ERMP1: variants seen among roughly 807,000 people sequenced by gnomAD.
ERMP1 encodes the protein Felix-ina.
Under a neutral mutation model 92.0 loss-of-function variants are expected in ERMP1, and 86 were observed. The observed-to-expected ratio is 0.93, with a 90% confidence interval of 0.79 to 1.12. ERMP1 has a LOEUF of 1.12. Ranked by LOEUF, ERMP1 falls within the 50% of genes most tolerant of loss-of-function variation. The pLI is 0.00. For missense variants in ERMP1, 1,342 were observed against 1,116.3 expected, an observed-to-expected ratio of 1.20 and a Z score of -2.88; for synonymous variants, 530 against 412.8, an observed-to-expected ratio of 1.28 and a Z score of -3.44.
intron 13 of ERMP1, among the ~76,000 whole-genome samples, chr9:5,793,465 G>T (rs1365639523): frequency 6.6e-6 from 1 of 152,114 alleles, no homozygotes; most frequent in Non-Finnish European, 1.5e-5. Context: ...TAATCACTTT[G>T]AATGTCAATG....
Position 5,787,130 on chromosome 9 carries a change from G to C in ERMP1, c.*14C>G. 1.2e-6 allele frequency: 2 copies of C among 1,608,794 alleles called. No homozygotes were observed. The highest frequency in any genetic ancestry group is 1.7e-6 in the Non-Finnish European group (2 of 1,177,206). ...AGTATCCACTGGGCATGTACTTAGAGCTCATCCACAAGATTAAAATACAAA... is the reference window on the plus strand; with the variant it reads ...AGTATCCACTGGGCATGTACTTAGACCTCATCCACAAGATTAAAATACAAA... On this transcript the variant is annotated 3_prime_UTR_variant, in exon 15 of 15. Transcript: ENST00000339450.
At chr9:5,828,829 T>C (rs1737416811) in intron 2 of ERMP1, among the ~76,000 whole-genome samples, 1 of 152,208 alleles carries the variant, frequency 6.6e-6, no homozygotes, top group Admixed American at 6.5e-5. Context: ...TTCTTGTATA[T>C]ACAGCCTTCT....
chr9:5,838,415 C>T (rs1218873312), intron 6 of ERMP1, among the ~76,000 whole-genome samples: 1 of 151,886 alleles, frequency 6.6e-6, no homozygotes, highest in African/African-American at 2.4e-5. Context: ...TGTGGTGGTG[C>T]ATGTCTATAC....
chr9:5,804,835 G>A (rs1034311757), intron 10 of ERMP1, among the ~76,000 whole-genome samples, 192 bp downstream of exon 10: 1 of 151,670 alleles, frequency 6.6e-6, no homozygotes, highest in Non-Finnish European at 1.5e-5. Context: ...CTTTTAAACA[G>A]CAACAACAAA....
At chr9:5,853,362 G>T (rs1054544658) in intron 6 of ERMP1, among the ~76,000 whole-genome samples, 6 of 152,160 alleles carry the variant, frequency 3.9e-5, no homozygotes, top group African/African-American at 1.4e-4. Flanking sequence ...ATACTTTGGG[G>T]TGGTATAACC....
chr9:5,864,832 T>C (rs951173531), intron 5 of ERMP1, among the ~76,000 whole-genome samples: 1 of 152,214 alleles, frequency 6.6e-6, no homozygotes, highest in Non-Finnish European at 1.5e-5. Flanking sequence ...GTGCCTAATG[T>C]GTGTGGATGG....
At chr9:5,804,593 C>T in intron 10 of ERMP1, among the ~76,000 whole-genome samples, 1 of 152,310 alleles carries the variant, frequency 6.6e-6, no homozygotes, top group East Asian at 1.9e-4. Context: ...AAAGCCTCAT[C>T]AGATTTAGTC....
intron 13 of ERMP1, among the ~76,000 whole-genome samples, chr9:5,793,135 G>C (rs1049566353): frequency 7.2e-5 from 11 of 152,124 alleles, no homozygotes; most frequent in African/African-American, 2.2e-4. Flanking sequence ...TGTTACAAGA[G>C]ACTGGAAGGA....
chr9:5,817,381 G>C (rs550122974), intron 4 of ERMP1, among the ~76,000 whole-genome samples: 40 of 151,940 alleles, frequency 2.6e-4, no homozygotes, highest in African/African-American at 8.2e-4. Context: ...GTAGAGACAG[G>C]GTTTCACAAT....
At chr9:5,794,564 C>T (rs1586769046) in intron 13 of ERMP1, among the ~76,000 whole-genome samples, 1 of 151,890 alleles carries the variant, frequency 6.6e-6, no homozygotes. Context: ...AAAGAGGGGA[C>T]ATCATTATAG....
chr9:5,785,455 G>C lies in ERMP1; in HGVS notation c.*1689C>G, dbSNP rs982796152. The C allele has an allele frequency of 6.6e-6, 1 of 152,206 alleles. No homozygotes were observed. The highest frequency in any genetic ancestry group is 2.4e-5 in the African/African-American group (1 of 41,442). 9.4% of individuals were successfully genotyped at this position (152,206 alleles called of 1,614,324 possible). Reference sequence around the variant, plus strand: ...CAGGAGCCAGACTCTTGAAGCACTTGAGACTGATTTCTACAAAGTCCAGGA... The same window carrying C: ...CAGGAGCCAGACTCTTGAAGCACTTCAGACTGATTTCTACAAAGTCCAGGA... On this transcript the variant is annotated 3_prime_UTR_variant, in exon 15 of 15. Transcript: ENST00000339450.
Position 5,798,937 on chromosome 9 carries a change from C to A in ERMP1, c.2139G>T (p.Gly713=). ...TGTGAGAAATTCCAGTATAATCAAA[C>A]CCATTGATCCATATTCCAGAGTCCC... is the stretch of plus-strand genomic sequence containing the variant. ...VKRDSGIWIN[G]FDYTGISHIT... Residue 713 remains glycine, a synonymous_variant, in exon 12 of 15, where the codon GGG becomes GGT. Coordinates refer to ENST00000339450, the MANE Select transcript of ERMP1 (RefSeq NM_024896.3). The A allele has an allele frequency of 6.2e-7, 1 of 1,613,056 alleles. No homozygotes were observed. Among genetic ancestry groups the A allele is most frequent in the Non-Finnish European group, 8.5e-7 (1 of 1,179,082 alleles).
chr9:5,848,908 T>C (rs1036675540), intron 6 of ERMP1, among the ~76,000 whole-genome samples: 3 of 152,232 alleles, frequency 2.0e-5, no homozygotes, highest in African/African-American at 7.2e-5. Flanking sequence ...GAGGGACCTA[T>C]GTGGCTTACT....
rs909606176 is a variant in ERMP1 at position 5,858,706 on chromosome 9, T to G, written n.3199+762A>C. Among the ~76,000 whole-genome samples, 10 of 152,272 alleles carry G rather than the reference T, an allele frequency of 6.6e-5. No homozygotes were observed. The East Asian group carries it at 1.4e-3, about 21-fold the overall frequency. ...ATCCTGGGGTACTACTCAAATCACA[T>G]CATGCATGGCCCCCTTTTCCTTCAT... On this transcript the variant is annotated intron_variant and non_coding_transcript_variant, in intron 6 of 6. Transcript: ENST00000690753.
Position 5,786,382 on chromosome 9 carries a change from G to C in ERMP1, c.*762C>G, listed in dbSNP as rs1827935624. The C allele has an allele frequency of 6.6e-6, 1 of 152,238 alleles. No homozygotes were observed. The highest frequency in any genetic ancestry group is 2.4e-5 in the African/African-American group (1 of 41,442). 9.4% of individuals were successfully genotyped at this position (152,238 alleles called of 1,614,324 possible). A position where few individuals can be genotyped will look rare whatever the true frequency, so the allele number is the denominator to read the frequency against. On this transcript the variant is annotated 3_prime_UTR_variant, in exon 15 of 15. Coordinates refer to ENST00000339450, the MANE Select transcript of ERMP1 (RefSeq NM_024896.3). ...GAACCAAAAGAACCTACGAAAACCA[G>C]AGGGGTATGTGGCCAAATATTCCCC...
Position 5,790,169 on chromosome 9 carries a change from CTTTTTTTTTTT to C in ERMP1, c.2387-2587_2387-2577del, listed in dbSNP as rs371493040. Among the ~76,000 whole-genome samples the C allele has an allele frequency of 8.7e-5, 11 of 126,808 alleles. 1 individual carries two copies. Among genetic ancestry groups the C allele is most frequent in the South Asian group, 7.4e-4 (3 of 4,030 alleles). 83.2% of individuals were successfully genotyped at this position (126,808 alleles called of 152,430 possible). A position where few individuals can be genotyped will look rare whatever the true frequency, so the allele number is the denominator to read the frequency against. Reference sequence around the variant, plus strand: ...TAATTGGTGGGAGTTAAAACAATACCTTTTTTTTTTTTTTTTTTTTTTTCCCCTGAGACGGA... The same window carrying C: ...TAATTGGTGGGAGTTAAAACAATACCTTTTTTTTTTTTCCCCTGAGACGGA... On this transcript the variant is annotated intron_variant, in intron 13 of 14. Coordinates refer to ENST00000339450, the MANE Select transcript of ERMP1 (RefSeq NM_024896.3).
Position 5,844,452 on chromosome 9 carries a change from T to G in ERMP1, n.3200-11140A>C, listed in dbSNP as rs369218299. Among the ~76,000 whole-genome samples the G allele has an allele frequency of 1.2e-4, 18 of 152,252 alleles. 1 individual carries two copies. The highest frequency in any genetic ancestry group is 3.6e-4 in the African/African-American group (15 of 41,544). On this transcript the variant is annotated intron_variant and non_coding_transcript_variant, in intron 6 of 6. Coordinates refer to the ERMP1 transcript ENST00000690753. Reference sequence around the variant, plus strand: ...ACCATGCCTGGCTAATTTTTGTATTTTTAGTAGAGATGGTGTTTTGCCATG... The same window carrying G: ...ACCATGCCTGGCTAATTTTTGTATTGTTAGTAGAGATGGTGTTTTGCCATG...
intron 6 of ERMP1, among the ~76,000 whole-genome samples, chr9:5,839,880 T>C (rs763588217): frequency 6.6e-6 from 1 of 152,234 alleles, no homozygotes; most frequent in Non-Finnish European, 1.5e-5. Flanking sequence ...GAGAATCACA[T>C]GAGGACTTGC....
chr9:5,824,884 TAA>T (rs1337595333), intron 3 of ERMP1, among the ~76,000 whole-genome samples: 3 of 152,350 alleles, frequency 2.0e-5, no homozygotes, highest in African/African-American at 7.2e-5. Context: ...AATAATCTGC[TAA>T]GTGGAGTTTT....
Sources: allele counts gnomAD v4.1 joint callset (sites outside exome capture counted in the v4.1 genomes callset), GRCh38; gene constraint gnomAD v4.1.1; transcripts MANE v1.5; gene names NCBI Gene and HGNC (gene_info 2026-07-23, HGNC 2026-07-21).